Variants in LRRC2 observed in about 807,000 individuals in gnomAD.
LRRC2 encodes the protein leucine-rich repeat-containing protein 2.
LRRC2 carries 27 observed loss-of-function variants against 40.2 expected under a neutral mutation model. That is an observed-to-expected ratio of 0.67 (90% CI 0.49 to 0.93). The LOEUF is 0.93. Among genes scored for constraint, LRRC2 ranks in the 40% least tolerant of loss-of-function variants. LRRC2 has a pLI of 0.00. For missense variants in LRRC2, 402 were observed against 439.6 expected, an observed-to-expected ratio of 0.91 and a Z score of 0.76; for synonymous variants, 147 against 158.9, an observed-to-expected ratio of 0.92 and a Z score of 0.56.
At chr3:46,524,841 C>A (rs1386598966) in intron 7 of LRRC2, among the ~76,000 whole-genome samples, 1 of 151,910 alleles carries the variant, frequency 6.6e-6, no homozygotes, top group Non-Finnish European at 1.5e-5. Context: ...GCATATATAG[C>A]GATGTAGTAC....
chr3:46,534,100 C>T (rs976968767), intron 4 of LRRC2, among the ~76,000 whole-genome samples: 1 of 151,932 alleles, frequency 6.6e-6, no homozygotes, highest in African/African-American at 2.4e-5. Context: ...CCCCAACAGG[C>T]CCAGTGTGTG....
intron 1 of LRRC2, among the ~76,000 whole-genome samples, chr3:46,563,316 C>T (rs1325936935): frequency 1.3e-5 from 2 of 152,160 alleles, no homozygotes; most frequent in African/African-American, 4.8e-5. Flanking sequence ...ACAAATCTCC[C>T]CAAGGCCTGC....
intron 3 of LRRC2, among the ~76,000 whole-genome samples, chr3:46,543,653 T>A (rs201379147): frequency 2.1e-5 from 2 of 94,344 alleles, no homozygotes; most frequent in African/African-American, 5.8e-5. Flanking sequence ...TAATAATAAA[T>A]AATAAATACC....
chr3:46,524,087 C>A (rs1224178413), intron 7 of LRRC2, among the ~76,000 whole-genome samples: 1 of 152,110 alleles, frequency 6.6e-6, no homozygotes, highest in African/African-American at 2.4e-5. Flanking sequence ...CAGTTTGATT[C>A]TAAAATTGAA....
intron 2 of LRRC2, among the ~76,000 whole-genome samples, chr3:46,546,273 A>T (rs1451624011): frequency 1.3e-5 from 2 of 152,236 alleles, no homozygotes; most frequent in African/African-American, 2.4e-5. Flanking sequence ...CTCTGCTGTT[A>T]TCTGAAGGAA....
chr3:46,525,404 C>A (rs1275213207), intron 7 of LRRC2, among the ~76,000 whole-genome samples: 2 of 151,928 alleles, frequency 1.3e-5, no homozygotes, highest in African/African-American at 4.8e-5. Context: ...GGGCATATCA[C>A]CATGCCTGGC....
chr3:46,557,845 T>C (rs543317157), intron 1 of LRRC2: 2 of 152,330 alleles, frequency 1.3e-5, no homozygotes, highest in African/African-American at 4.8e-5. Context: ...CATGGGCATG[T>C]GATGGAAGTC....
intron 6 of LRRC2, 90 bp downstream of exon 6, chr3:46,529,815 A>T: frequency 7.5e-7 from 1 of 1,325,130 alleles, no homozygotes; most frequent in Non-Finnish European, 1.0e-6. Context: ...TCCAAAGAAC[A>T]TTCATGTACT....
Position 46,541,344 on chromosome 3 carries a change from A to AG in LRRC2, c.334-2144_334-2143insC, listed in dbSNP as rs1437178552. On this transcript the variant is annotated intron_variant, in intron 3 of 8. Coordinates refer to ENST00000395905, the MANE Select transcript of LRRC2 (RefSeq NM_024512.5). ...CGAGACTCCGTCTCAAAAAAAAAAA[A>AG]AAAAGAAAAGAAAAGAAAAATATTA... Among the ~76,000 whole-genome samples, 702 of 151,776 alleles carry AG rather than the reference A, an allele frequency of 4.6e-3. 6 individuals carry two copies. The highest frequency in any genetic ancestry group is 0.016 in the African/African-American group (645 of 41,322).
intron 3 of LRRC2, among the ~76,000 whole-genome samples, chr3:46,542,555 G>T (rs749238452): frequency 2.7e-5 from 4 of 148,434 alleles, no homozygotes; most frequent in Non-Finnish European, 4.5e-5. Context: ...TTGATCCCAA[G>T]ATAGCTAAGA....
chr3:46,550,691 C>T (rs1704625685), intron 2 of LRRC2, among the ~76,000 whole-genome samples: 2 of 152,116 alleles, frequency 1.3e-5, no homozygotes, highest in East Asian at 3.9e-4. Flanking sequence ...GCGCCCAGCC[C>T]CTACACATCT....
chr3:46,522,374 C>CAAAAATAAATAAATAA (rs1703978503), intron 7 of LRRC2, among the ~76,000 whole-genome samples: 1 of 100,696 alleles, frequency 9.9e-6, no homozygotes. Context: ...GACTCAATCT[C>CAAAAATAAATAAATAA]AAAAATAAAT....
Position 46,517,876 on chromosome 3 carries a change from A to G in LRRC2, c.*1138T>C, listed in dbSNP as rs1703893429. On this transcript the variant is annotated 3_prime_UTR_variant, in exon 9 of 9. Transcript: ENST00000395905. ...TGGGCAGAGTTGTCCTGTGGTACCC[A>G]CAAGGAAGCCTTGCTAGGAACTCCT... 1 of 152,298 alleles carries G rather than the reference A, an allele frequency of 6.6e-6. No individual in the cohort carries two copies. The highest frequency in any genetic ancestry group is 1.5e-5 in the Non-Finnish European group (1 of 68,096). The allele number at this position is 152,298 out of a possible 1,614,324, so 9.4% of individuals were successfully genotyped here. A position where few individuals can be genotyped will look rare whatever the true frequency, so the allele number is the denominator to read the frequency against.
intron 4 of LRRC2, among the ~76,000 whole-genome samples, chr3:46,534,423 C>CTTTCTTTCTTTCTTTCTTT (rs1559412272): frequency 9.9e-6 from 1 of 101,106 alleles, no homozygotes; most frequent in Non-Finnish European, 2.0e-5. Flanking sequence ...TTCCTTCCTT[C>CTTTCTTTCTTTCTTTCTTT]CTTTCTTTCT....
chr3:46,542,364 C>T (rs1030390005), intron 3 of LRRC2, among the ~76,000 whole-genome samples: 1 of 151,766 alleles, frequency 6.6e-6, no homozygotes, highest in African/African-American at 2.4e-5. Context: ...AGTGTGGTGG[C>T]ATGCACCTGT....
intron 1 of LRRC2, among the ~76,000 whole-genome samples, chr3:46,564,461 CA>C (rs1407285428): frequency 7.9e-5 from 12 of 151,992 alleles, no homozygotes. Flanking sequence ...CCCTTCTTGT[CA>C]AATTACACTG....
rs199842182 is a variant in LRRC2 at position 46,547,676 on chromosome 3, A to T, written c.126-2423T>A. ...TCCCAAAAAAATTACAAGAAAAAAA[A>T]AAATATATATATAACATATGTGTGT... On this transcript the variant is annotated intron_variant, in intron 2 of 8. Transcript: ENST00000395905. Among the ~76,000 whole-genome samples the T allele has an allele frequency of 4.1e-3, 549 of 134,188 alleles. 5 individuals are homozygous for T. Among genetic ancestry groups the T allele is most frequent in the East Asian group, 4.9e-3 (23 of 4,682 alleles). 88.0% of individuals were successfully genotyped at this position (134,188 alleles called of 152,430 possible). A position where few individuals can be genotyped will look rare whatever the true frequency, so the allele number is the denominator to read the frequency against.
chr3:46,526,202 A>G (rs757558803), intron 7 of LRRC2, among the ~76,000 whole-genome samples: 6 of 152,180 alleles, frequency 3.9e-5, no homozygotes, highest in Non-Finnish European at 5.9e-5. Flanking sequence ...TCTAAGAATC[A>G]GTAAGCTATT....
intron 1 of LRRC2, among the ~76,000 whole-genome samples, chr3:46,562,414 G>A (rs932280643): frequency 4.6e-5 from 7 of 152,132 alleles, no homozygotes; most frequent in Admixed American, 2.0e-4. Flanking sequence ...CTGGATTTCT[G>A]ACTCTCAGAA....
Sources: allele counts gnomAD v4.1 joint callset (sites outside exome capture counted in the v4.1 genomes callset), GRCh38; gene constraint gnomAD v4.1.1; transcripts MANE v1.5; gene names NCBI Gene and HGNC (gene_info 2026-07-23, HGNC 2026-07-21).